The following ATP8A2 variants were observed in gnomAD, a reference collection of about 807,000 sequenced individuals.
ATP8A2 encodes phospholipid-transporting ATPase IB.
A neutral mutation model predicts 165.6 loss-of-function variants in ATP8A2; 100 were observed. The ratio of observed to expected loss-of-function variants is 0.60; its 90% CI spans 0.51 to 0.71. The LOEUF (loss-of-function observed/expected upper bound fraction) is 0.71. Ranked by LOEUF, ATP8A2 falls within the 30% of genes least tolerant of loss-of-function variation. The pLI is 0.00. For missense variants in ATP8A2, 1,227 were observed against 1,479.5 expected (o/e 0.83, Z 2.80); for synonymous variants, 543 against 548.8 (o/e 0.99, Z 0.15).
chr13:25,797,833 ATAAAAT>A (rs1337961062), intron 27 of ATP8A2, among the ~76,000 whole-genome samples: 1 of 152,048 alleles, frequency 6.6e-6, no homozygotes, highest in African/African-American at 2.4e-5. Flanking sequence ...ATCTGAATTC[ATAAAAT>A]TAAAAGTGTT....
chr13:25,541,896 C>G, intron 8 of ATP8A2, 23 bp from the exon 9 acceptor site: 1 of 1,613,446 alleles, frequency 6.2e-7, no homozygotes, highest in South Asian at 1.1e-5. Flanking sequence ...TGTTTGACTT[C>G]CTCTTTTGGT....
intron 2 of ATP8A2, among the ~76,000 whole-genome samples, chr13:25,509,979 A>G (rs1209753387): frequency 6.6e-6 from 1 of 152,218 alleles, no homozygotes; most frequent in Non-Finnish European, 1.5e-5. Context: ...TGCAGAAAAC[A>G]CTGCTATGCT....
chr13:25,391,391 T>C (rs1214677527), intron 1 of ATP8A2, among the ~76,000 whole-genome samples: 1 of 152,242 alleles, frequency 6.6e-6, no homozygotes, highest in East Asian at 1.9e-4. Flanking sequence ...TCATCTATTT[T>C]ATTTGTCCTT....
At chr13:25,934,280 A>G (rs1954831782) in intron 33 of ATP8A2, among the ~76,000 whole-genome samples, 1 of 152,168 alleles carries the variant, frequency 6.6e-6, no homozygotes, top group Non-Finnish European at 1.5e-5. Flanking sequence ...TAGTGAATCC[A>G]TTAGGTAAGT....
chr13:25,544,019 C>A (rs896052720), intron 10 of ATP8A2, among the ~76,000 whole-genome samples: 11 of 152,150 alleles, frequency 7.2e-5, no homozygotes, highest in African/African-American at 2.7e-4. Context: ...TTATTTTTGC[C>A]AATGGTGGCT....
chr13:25,432,191 G>T (rs896371660), intron 1 of ATP8A2, among the ~76,000 whole-genome samples: 17 of 152,338 alleles, frequency 1.1e-4, no homozygotes, highest in African/African-American at 3.6e-4. Context: ...TCTGGGGCTT[G>T]ATTTGTGCAT....
chr13:25,575,783 G>A (rs577722414), intron 19 of ATP8A2, among the ~76,000 whole-genome samples: 1 of 152,170 alleles, frequency 6.6e-6, no homozygotes, highest in African/African-American at 2.4e-5. Flanking sequence ...GGTGAGCGAC[G>A]TGCTAGGCAT....
In ATP8A2 at chr13:26,025,110, CA is replaced by C. The variant is rs1555306925; in HGVS notation, c.*5127del. 4.8e-5 allele frequency: 1 copy of C among 20,930 alleles called. No individual in the cohort carries two copies. The highest frequency in any genetic ancestry group is 9.5e-5 in the Non-Finnish European group (1 of 10,514). The allele number at this position is 20,930 out of a possible 1,614,324, so 1.3% of individuals were successfully genotyped here. On this transcript the variant is annotated 3_prime_UTR_variant, in exon 37 of 37. Transcript: ENST00000381655. ...TTATAGGTGAATCAATAAACACCAA[CA>C]ACAACAAAAAAAAAAAAAAAAAAAA...
intron 24 of ATP8A2, among the ~76,000 whole-genome samples, chr13:25,611,524 A>G (rs1289452862): frequency 6.6e-6 from 1 of 152,064 alleles, no homozygotes; most frequent in African/African-American, 2.4e-5. Context: ...TAACTTTTTG[A>G]TATGCTGTTG....
At chr13:25,654,326 C>T (rs1019713659) in intron 24 of ATP8A2, among the ~76,000 whole-genome samples, 3 of 152,166 alleles carry the variant, frequency 2.0e-5, no homozygotes, top group Non-Finnish European at 4.4e-5. Context: ...CCACCTCAGC[C>T]TCCCGAGTGG....
intron 1 of ATP8A2, among the ~76,000 whole-genome samples, chr13:25,459,027 C>T (rs2035436565): frequency 6.6e-6 from 1 of 152,130 alleles, no homozygotes; most frequent in South Asian, 2.1e-4. Flanking sequence ...AATCCAAATG[C>T]CAGCAAGGGG....
intron 24 of ATP8A2, among the ~76,000 whole-genome samples, chr13:25,663,125 AC>A (rs1227417155): frequency 6.6e-6 from 1 of 152,206 alleles, no homozygotes; most frequent in Admixed American, 6.5e-5. Context: ...AGATAAGATA[AC>A]TATCTTGGCC....
At chr13:25,454,252 A>G (rs1204984723) in intron 1 of ATP8A2, among the ~76,000 whole-genome samples, 2 of 152,194 alleles carry the variant, frequency 1.3e-5, no homozygotes, top group African/African-American at 2.4e-5. Context: ...CATGCCTGTC[A>G]TCAACCCACC....
At chr13:25,383,033 G>A (rs1222646132) in intron 1 of ATP8A2, among the ~76,000 whole-genome samples, 4 of 149,850 alleles carry the variant, frequency 2.7e-5, no homozygotes, top group Non-Finnish European at 5.9e-5. Flanking sequence ...GGGATTACAG[G>A]TGTGAGCCAC....
chr13:25,591,225 G>T (rs1414555985), intron 24 of ATP8A2: 3 of 455,458 alleles, frequency 6.6e-6, no homozygotes, highest in East Asian at 1.4e-4. Flanking sequence ...TCATATTGTT[G>T]TGTAACCATC....
chr13:25,788,215 G>A (rs1393883861), intron 27 of ATP8A2, among the ~76,000 whole-genome samples: 1 of 152,216 alleles, frequency 6.6e-6, no homozygotes, highest in Non-Finnish European at 1.5e-5. Flanking sequence ...GTTTATGAGG[G>A]TGAAGTAAAA....
At chr13:25,862,483 C>T in intron 33 of ATP8A2, 75 bp downstream of exon 33, 2 of 1,120,998 alleles carry the variant, frequency 1.8e-6, no homozygotes, top group Non-Finnish European at 2.7e-6. Context: ...GGTGAGCAGG[C>T]ACTGTGTGTC....
chr13:25,437,924 A>G (rs2034825007), intron 1 of ATP8A2, among the ~76,000 whole-genome samples: 3 of 152,212 alleles, frequency 2.0e-5, no homozygotes, highest in African/African-American at 4.8e-5. Flanking sequence ...ATATAATACT[A>G]TATGTTGATG....
intron 1 of ATP8A2, among the ~76,000 whole-genome samples, chr13:25,437,853 T>C (rs1325847995): frequency 2.0e-5 from 3 of 152,196 alleles, no homozygotes; most frequent in Admixed American, 6.6e-5. Flanking sequence ...AACAAATTGA[T>C]ATCCTGGAAT....
Sources: gnomAD v4.1 joint callset for allele counts (sites outside exome capture counted in the v4.1 genomes callset) on GRCh38, gnomAD v4.1.1 for gene constraint, MANE v1.5 for transcripts, NCBI Gene and HGNC (gene_info 2026-07-23, HGNC 2026-07-21) for gene names.